NRP1: variants seen among roughly 807,000 people sequenced by gnomAD.
NRP1 encodes neuropilin-1.
In NRP1, 35 loss-of-function variants were observed where a neutral mutation model predicts 106.7. The ratio of observed to expected loss-of-function variants is 0.33; its 90% confidence interval spans 0.25 to 0.43. The LOEUF is 0.43. NRP1 is among the 20% of genes least tolerant of loss of function. The probability of loss-of-function intolerance (pLI) is 1.00; values close to 1 mark genes in which losing one functional copy is unlikely to be tolerated. For missense variants in NRP1, 1,024 were observed against 1,170.4 expected (o/e 0.87, Z 1.83); for synonymous variants, 437 against 417.9 (o/e 1.05, Z -0.56).
At chr10:33,236,409 G>A (rs1472813883) in intron 6 of NRP1, among the ~76,000 whole-genome samples, 3 of 152,236 alleles carry the variant, frequency 2.0e-5, no homozygotes, top group Non-Finnish European at 4.4e-5. Context: ...TACATAGAGG[G>A]CATGGGTGGG....
At chr10:33,208,899 CTT>C (rs11310131) in intron 9 of NRP1, among the ~76,000 whole-genome samples, 102 of 85,246 alleles carry the variant, frequency 1.2e-3, no homozygotes, top group South Asian at 4.3e-3. Flanking sequence ...TTAGAGCAGC[CTT>C]TTTTTTTTTT....
At chr10:33,322,599 C>T (rs1057276212) in intron 2 of NRP1, among the ~76,000 whole-genome samples, 6 of 151,984 alleles carry the variant, frequency 3.9e-5, no homozygotes, top group African/African-American at 1.2e-4. Context: ...CTCAGGCTAG[C>T]CTTGAACTCC....
At chr10:33,261,423 C>A (rs1842564767) in intron 4 of NRP1, among the ~76,000 whole-genome samples, 1 of 152,166 alleles carries the variant, frequency 6.6e-6, no homozygotes, top group African/African-American at 2.4e-5. Flanking sequence ...AATGTTCCAA[C>A]TATTGTTACA....
rs756214611 is a variant in NRP1 at position 33,254,076 on chromosome 10, A to G, written c.933T>C (p.Pro311=). The G allele has an allele frequency of 6.2e-7, 1 of 1,613,724 alleles. No individual in the cohort carries two copies. The highest frequency in any genetic ancestry group is 8.5e-7 in the Non-Finnish European group (1 of 1,179,954). Residue 311 remains proline, a synonymous_variant, in exon 6 of 17, where the codon CCT becomes CCC. Transcript: ENST00000374867. ...CCTCTCCGGGAGTCCACCCATTCTC[A>G]GGGTAGTTCAGGCGGGAGCGCTCTG... ...WSAERSRLNY[P]ENGWTPGEDS...
chr10:33,245,477 T>C (rs374276240), intron 6 of NRP1, among the ~76,000 whole-genome samples: 1 of 152,202 alleles, frequency 6.6e-6, no homozygotes, highest in Non-Finnish European at 1.5e-5. Context: ...AGTCCAACCA[T>C]GTAAGTTAAA....
chr10:33,254,053 T>C lies in NRP1; in HGVS notation c.956A>G (p.Glu319Gly). The change falls in exon 6 of 17, where the codon GAG becomes GGG. Residue 319 changes from glutamate (E) to glycine (G), a missense_variant. By Grantham distance (98) the Glu-to-Gly change is moderately conservative. Transcript: ENST00000374867. ...NYPENGWTPG[E>G]DSYREWIQVD... is the part of the protein sequence containing the mutation. Reference sequence around the variant, plus strand: ...CTGTATCCACTCTCGGTAGGAATCCTCTCCGGGAGTCCACCCATTCTCAGG... The same window carrying C: ...CTGTATCCACTCTCGGTAGGAATCCCCTCCGGGAGTCCACCCATTCTCAGG... 6.2e-7 allele frequency: 1 copy of C among 1,612,486 alleles called. No individual in the cohort carries two copies. Among genetic ancestry groups the C allele is most frequent in the Non-Finnish European group, 8.5e-7 (1 of 1,179,610 alleles).
chr10:33,292,108 C>T (rs190583081), intron 2 of NRP1, among the ~76,000 whole-genome samples: 1 of 152,272 alleles, frequency 6.6e-6, no homozygotes, highest in African/African-American at 2.4e-5. Context: ...GTTGTCCATA[C>T]TGGTTTTGAA....
chr10:33,258,326 G>A (rs555994158), intron 4 of NRP1, among the ~76,000 whole-genome samples: 4 of 152,310 alleles, frequency 2.6e-5, no homozygotes, highest in South Asian at 2.1e-4. Context: ...TTGAGTTAGC[G>A]CAACAATGGG....
intron 6 of NRP1, 32 bp from the exon 7 acceptor site, chr10:33,226,321 C>G: frequency 6.2e-7 from 1 of 1,612,126 alleles, no homozygotes; most frequent in Non-Finnish European, 8.5e-7. Flanking sequence ...GGTCAGTGCA[C>G]CATCCCTGCA....
intron 6 of NRP1, among the ~76,000 whole-genome samples, chr10:33,251,045 C>T (rs913940262): frequency 6.6e-6 from 1 of 152,066 alleles, no homozygotes; most frequent in Non-Finnish European, 1.5e-5. Context: ...GTGTCCCCAC[C>T]CAAATCTCAT....
intron 8 of NRP1, among the ~76,000 whole-genome samples, chr10:33,220,900 C>CAAAAAAAAAAAAAAAAAA (rs35895871): frequency 2.3e-4 from 14 of 60,654 alleles, no homozygotes; most frequent in South Asian, 7.2e-4. Flanking sequence ...GGCTCAGTCT[C>CAAAAAAAAAAAAAAAAAA]AAAAAAAAAA....
intron 2 of NRP1, among the ~76,000 whole-genome samples, chr10:33,280,328 G>A (rs890106723): frequency 6.6e-5 from 10 of 152,190 alleles, no homozygotes; most frequent in Admixed American, 3.3e-4. Context: ...AAACAACTGT[G>A]TTCCAGAAGT....
At chr10:33,276,015 A>G (rs1843665957) in intron 2 of NRP1, among the ~76,000 whole-genome samples, 1 of 152,196 alleles carries the variant, frequency 6.6e-6, no homozygotes, top group Non-Finnish European at 1.5e-5. Flanking sequence ...ATAAAACCCT[A>G]TATACAGTGT....
At chr10:33,263,358 T>G (rs1185115509) in intron 4 of NRP1, among the ~76,000 whole-genome samples, 1 of 152,168 alleles carries the variant, frequency 6.6e-6, no homozygotes, top group African/African-American at 2.4e-5. Context: ...AGAGAAAAAC[T>G]ATGTGTTTGT....
At chr10:33,250,758 G>A (rs906351113) in intron 6 of NRP1, among the ~76,000 whole-genome samples, 1 of 152,148 alleles carries the variant, frequency 6.6e-6, no homozygotes, top group Non-Finnish European at 1.5e-5. Flanking sequence ...GGATTGCAGT[G>A]AGGATCAGAT....
intron 6 of NRP1, among the ~76,000 whole-genome samples, chr10:33,252,838 G>C (rs1841959985): frequency 6.6e-6 from 1 of 152,184 alleles, no homozygotes; most frequent in Non-Finnish European, 1.5e-5. Flanking sequence ...CTCAGTGTTG[G>C]AGGTTAGCGT....
chr10:33,327,077 GTGCTAAGGCA>G (rs1394408538), intron 2 of NRP1, among the ~76,000 whole-genome samples: 2 of 152,106 alleles, frequency 1.3e-5, no homozygotes, highest in Non-Finnish European at 1.5e-5. Flanking sequence ...ATAAGCAAAT[GTGCTAAGGCA>G]TCGATTTCTT....
intron 4 of NRP1, among the ~76,000 whole-genome samples, chr10:33,260,184 T>A (rs1346135905): frequency 6.6e-6 from 1 of 152,114 alleles, no homozygotes; most frequent in Non-Finnish European, 1.5e-5. Flanking sequence ...CTTTTTAAAA[T>A]GAAGTATTTT....
intron 7 of NRP1, among the ~76,000 whole-genome samples, chr10:33,223,108 G>T (rs1006707098): frequency 2.0e-5 from 3 of 152,176 alleles, no homozygotes; most frequent in African/African-American, 7.2e-5. Context: ...AGCACAGCTG[G>T]GTCAGACACC....
Sources: allele counts gnomAD v4.1 joint callset (sites outside exome capture counted in the v4.1 genomes callset), GRCh38; gene constraint gnomAD v4.1.1; transcripts MANE v1.5; gene names NCBI Gene and HGNC (gene_info 2026-07-23, HGNC 2026-07-21).